Variants in UBAC2 observed in about 807,000 individuals in gnomAD.
The protein encoded by UBAC2 is UBA domain containing 2.
Under a neutral mutation model 44.0 loss-of-function variants are expected in UBAC2, and 26 were observed. That is an observed-to-expected ratio of 0.59 (90% confidence interval 0.43 to 0.82). The LOEUF (loss-of-function observed/expected upper bound fraction) is 0.82, where lower values mean the gene tolerates loss of function less well. Ranked by LOEUF, UBAC2 falls within the 40% of genes least tolerant of loss-of-function variation. The pLI, the probability that UBAC2 is intolerant of heterozygous loss-of-function variation, is 0.00. For missense variants in UBAC2, 329 were observed against 419.4 expected, an observed-to-expected ratio of 0.78 and a Z score of 1.88; for synonymous variants, 155 against 154.3, an observed-to-expected ratio of 1.00 and a Z score of -0.04.
chr13:99,269,824 A>T (rs1212234602), intron 4 of UBAC2, among the ~76,000 whole-genome samples: 1 of 152,214 alleles, frequency 6.6e-6, no homozygotes, highest in East Asian at 1.9e-4. Flanking sequence ...ACTGCACTAG[A>T]TGGCAGTGTT....
intron 6 of UBAC2, among the ~76,000 whole-genome samples, chr13:99,324,912 C>T (rs1162416750): frequency 6.6e-6 from 1 of 152,048 alleles, no homozygotes; most frequent in Non-Finnish European, 1.5e-5. Context: ...AAATATATAT[C>T]CCATCTAGGT....
intron 7 of UBAC2, 112 bp from the exon 8 acceptor site, chr13:99,367,675 G>C: frequency 2.1e-6 from 3 of 1,427,968 alleles, no homozygotes; most frequent in Middle Eastern, 2.3e-4. Flanking sequence ...GGATCAATAT[G>C]ATACTTCCTT....
At chr13:99,277,667 C>G (rs2043901754) in intron 4 of UBAC2, among the ~76,000 whole-genome samples, 1 of 152,096 alleles carries the variant, frequency 6.6e-6, no homozygotes. Context: ...TTATTAAGGC[C>G]ATTTTACATT....
intron 1 of UBAC2, among the ~76,000 whole-genome samples, chr13:99,225,413 C>A (rs192313765): frequency 6.6e-6 from 1 of 152,278 alleles, no homozygotes; most frequent in East Asian, 1.9e-4. Flanking sequence ...TAATATTTAT[C>A]TTTTTGTGAC....
At chr13:99,292,302 AT>A (rs11443091) in intron 4 of UBAC2, among the ~76,000 whole-genome samples, 128 of 144,392 alleles carry the variant, frequency 8.9e-4, no homozygotes, top group East Asian at 1.0e-3. Context: ...CGCCCAGCTA[AT>A]TTTTTTTTTT....
At chr13:99,217,609 C>T (rs945687747) in intron 1 of UBAC2, among the ~76,000 whole-genome samples, 3 of 152,220 alleles carry the variant, frequency 2.0e-5, no homozygotes, top group African/African-American at 7.2e-5. Flanking sequence ...TACCCGCGCT[C>T]GCCCTGGCAT....
intron 2 of UBAC2, among the ~76,000 whole-genome samples, chr13:99,242,592 G>A (rs1394224109): frequency 7.9e-5 from 10 of 125,844 alleles, no homozygotes; most frequent in Non-Finnish European, 8.4e-5. Flanking sequence ...GGGCAGAGGC[G>A]CCCCTCACCT....
At chr13:99,239,823 G>A (rs987509807) in intron 2 of UBAC2, among the ~76,000 whole-genome samples, 11 of 152,172 alleles carry the variant, frequency 7.2e-5, no homozygotes, top group Admixed American at 6.5e-4. Flanking sequence ...CTAAACACAC[G>A]CATACACATA....
chr13:99,255,133 G>A (rs2043522870), intron 4 of UBAC2: 2 of 1,613,962 alleles, frequency 1.2e-6, no homozygotes, highest in Non-Finnish European at 1.7e-6. Context: ...GATGTGGAAG[G>A]GCATAAAGCA....
At chr13:99,309,850 C>CAT (rs1322166320) in intron 4 of UBAC2, among the ~76,000 whole-genome samples, 7 of 151,646 alleles carry the variant, frequency 4.6e-5, no homozygotes, top group African/African-American at 1.7e-4. Flanking sequence ...GACCTCAAGC[C>CAT]ATCTGCCCAC....
intron 6 of UBAC2, among the ~76,000 whole-genome samples, chr13:99,327,435 A>C (rs1180840639): frequency 6.6e-6 from 1 of 152,014 alleles, no homozygotes; most frequent in Non-Finnish European, 1.5e-5. Context: ...AGTTTTGATT[A>C]TCTCTTTAAA....
At chr13:99,225,081 T>C (rs944211304) in intron 1 of UBAC2, among the ~76,000 whole-genome samples, 2 of 152,240 alleles carry the variant, frequency 1.3e-5, no homozygotes, top group African/African-American at 4.8e-5. Flanking sequence ...TTAAAATGGC[T>C]GTGTAAATAG....
At position 99,238,115 on chromosome 13, in the gene UBAC2, T is replaced by C. The variant is rs181142253; in HGVS notation, c.32-312T>C. On this transcript the variant is annotated intron_variant, in intron 1 of 8. Coordinates refer to ENST00000403766, the MANE Select transcript of UBAC2 (RefSeq NM_001144072.2). ...GGCTGATTTGATAGAAACACACTTC[T>C]CTATTTCTTTACACTTGGGTAGCCA... Among the ~76,000 whole-genome samples, 13 of 152,382 alleles carry C rather than the reference T, an allele frequency of 8.5e-5. No homozygotes were observed. In the East Asian group the frequency reaches 2.5e-3, roughly 29 times the overall value.
At chr13:99,223,362 T>C (rs1016997691) in intron 1 of UBAC2, among the ~76,000 whole-genome samples, 5 of 152,138 alleles carry the variant, frequency 3.3e-5, no homozygotes, top group African/African-American at 1.2e-4. Context: ...TCTTCTCTCT[T>C]TTTGTCCTGA....
At chr13:99,201,602 G>A in intron 1 of UBAC2, 1 of 1,611,092 alleles carries the variant, frequency 6.2e-7, no homozygotes, top group Non-Finnish European at 8.5e-7. Flanking sequence ...CCAGTTAAAC[G>A]GCTTTTCTCA....
chr13:99,291,659 C>T (rs61970291), intron 4 of UBAC2, among the ~76,000 whole-genome samples: 4,652 of 152,192 alleles, frequency 0.031, 92 homozygotes, highest in Middle Eastern at 0.13. Flanking sequence ...GGCTAATTAG[C>T]GCTCTCCTTT....
At chr13:99,343,944 T>A (rs2034507632) in intron 7 of UBAC2, among the ~76,000 whole-genome samples, 1 of 152,208 alleles carries the variant, frequency 6.6e-6, no homozygotes, top group African/African-American at 2.4e-5. Flanking sequence ...TACTTAGTGC[T>A]TATTATATGG....
At chr13:99,224,898 T>C (rs1210066734) in intron 1 of UBAC2, among the ~76,000 whole-genome samples, 1 of 152,240 alleles carries the variant, frequency 6.6e-6, no homozygotes. Flanking sequence ...GCGAATCTTG[T>C]TGTCTATAAT....
At chr13:99,234,172 T>C (rs1032706724) in intron 1 of UBAC2, among the ~76,000 whole-genome samples, 6 of 10,626 alleles carry the variant, frequency 5.6e-4, no homozygotes, top group Non-Finnish European at 1.4e-3. Flanking sequence ...TAGCCGTTTC[T>C]TTTTTTTTTT....
Sources: allele counts gnomAD v4.1 joint callset (sites outside exome capture counted in the v4.1 genomes callset), GRCh38; gene constraint gnomAD v4.1.1; transcripts MANE v1.5; gene names NCBI Gene and HGNC (gene_info 2026-07-23, HGNC 2026-07-21).